SGF29: variants seen among roughly 807,000 people sequenced by gnomAD.
SGF29 encodes SAGA-associated factor 29.
A neutral mutation model predicts 38.1 loss-of-function variants in SGF29; 15 were observed. That is an observed-to-expected ratio of 0.39 (90% CI 0.26 to 0.61). The LOEUF (loss-of-function observed/expected upper bound fraction) is 0.61. Among genes scored for constraint, SGF29 ranks in the 20% least tolerant of loss-of-function variants. The pLI is 0.49. For synonymous variants in SGF29, 151 were observed against 160.8 expected (o/e 0.94, Z 0.46); for missense variants, 184 against 394.6 (o/e 0.47, Z 4.52).
intron 1 of SGF29, among the ~76,000 whole-genome samples, chr16:28,560,737 G>T (rs1017951212): frequency 3.9e-5 from 6 of 152,060 alleles, no homozygotes; most frequent in African/African-American, 1.4e-4. Context: ...CAAGGCAGGC[G>T]GATCACGAGG....
chr16:28,580,580 A>G (rs758109290), intron 1 of SGF29, among the ~76,000 whole-genome samples: 4 of 152,146 alleles, frequency 2.6e-5, no homozygotes, highest in East Asian at 3.9e-4. Flanking sequence ...CTATTCCACT[A>G]TGACTTCATC....
chr16:28,583,126 C>T (rs972214372), intron 2 of SGF29, among the ~76,000 whole-genome samples: 5 of 152,242 alleles, frequency 3.3e-5, no homozygotes, highest in Non-Finnish European at 5.9e-5. Flanking sequence ...CACAGGGCTT[C>T]GCCCTTTCAG....
chr16:28,569,947 A>G (rs984331370), intron 1 of SGF29, among the ~76,000 whole-genome samples: 7 of 152,224 alleles, frequency 4.6e-5, no homozygotes, highest in African/African-American at 1.2e-4. Flanking sequence ...TGCACAGAAT[A>G]CACAAGCTGT....
chr16:28,555,118 C>T (rs1567282842), intron 1 of SGF29, among the ~76,000 whole-genome samples: 1 of 152,198 alleles, frequency 6.6e-6, no homozygotes, highest in African/African-American at 2.4e-5. Context: ...AAAGCCTCCC[C>T]AAATGCTGGA....
chr16:28,558,205 A>G (rs569183931), intron 1 of SGF29, among the ~76,000 whole-genome samples: 2 of 151,036 alleles, frequency 1.3e-5, no homozygotes, highest in Admixed American at 1.3e-4. Flanking sequence ...TCCCGGGTTC[A>G]AGTGATTCTC....
rs539760982 is a variant in SGF29 at position 28,564,616 on chromosome 16, C to T, written c.-16+10519C>T. Among the ~76,000 whole-genome samples, 31 of 108,284 alleles carry T rather than the reference C, an allele frequency of 2.9e-4. No homozygotes were observed. The East Asian group carries it at 4.4e-3, about 15-fold the overall frequency. The allele number at this position is 108,284 out of a possible 152,430, so 71.0% of individuals were successfully genotyped here. A position where few individuals can be genotyped will look rare whatever the true frequency, so the allele number is the denominator to read the frequency against. ...ACACACATATATGTGTATATATATA[C>T]ATATATGCATATATATACGTATATA... On this transcript the variant is annotated intron_variant, in intron 1 of 9. Coordinates refer to ENST00000317058, the MANE Select transcript of SGF29 (RefSeq NM_138414.3).
chr16:28,555,592 A>G, intron 1 of SGF29, among the ~76,000 whole-genome samples: 1 of 152,226 alleles, frequency 6.6e-6, no homozygotes, highest in Non-Finnish European at 1.5e-5. Flanking sequence ...ATTGTGATGG[A>G]TTGGGTGACA....
chr16:28,567,579 G>A lies in SGF29; in HGVS notation c.-15-13476G>A, dbSNP rs558450257. ...TAGTGGGTAGAGACTGAGTTTTGAC[G>A]TTCATACTAGAAAAGGTTTACATTG... is the stretch of plus-strand genomic sequence containing the variant. On this transcript the variant is annotated intron_variant, in intron 1 of 9. Coordinates refer to ENST00000317058, the MANE Select transcript of SGF29 (RefSeq NM_138414.3). Among the ~76,000 whole-genome samples, 3 of 152,190 alleles carry A rather than the reference G, an allele frequency of 2.0e-5. No homozygotes were observed. In the South Asian group the frequency reaches 6.2e-4, roughly 31 times the overall value.
chr16:28,562,063 G>C (rs191410486), intron 1 of SGF29, among the ~76,000 whole-genome samples: 149 of 152,316 alleles, frequency 9.8e-4, no homozygotes, highest in African/African-American at 3.3e-3. Context: ...TCAAACGAGA[G>C]CCCTTAAATG....
At chr16:28,589,256 C>A in intron 5 of SGF29, 92 bp downstream of exon 5, 1 of 1,308,174 alleles carries the variant, frequency 7.6e-7, no homozygotes, top group Non-Finnish European at 1.1e-6. Flanking sequence ...GGGCCTGTGG[C>A]CACCACCTGC....
chr16:28,589,412 C>T, intron 5 of SGF29: 1 of 495,732 alleles, frequency 2.0e-6, no homozygotes, highest in Non-Finnish European at 3.7e-6. Flanking sequence ...TCTCCTGCCC[C>T]TTCTGGGGCC....
At chr16:28,564,550 C>CGTAT (rs1491293543) in intron 1 of SGF29, among the ~76,000 whole-genome samples, 7 of 68,834 alleles carry the variant, frequency 1.0e-4, no homozygotes, top group Admixed American at 3.3e-4. Context: ...TATATATATA[C>CGTAT]GTATATATAT....
intron 1 of SGF29, among the ~76,000 whole-genome samples, chr16:28,559,723 A>G (rs1435387968): frequency 6.6e-6 from 1 of 152,216 alleles, no homozygotes; most frequent in Non-Finnish European, 1.5e-5. Context: ...TGAACTAGAC[A>G]AACATGGGGC....
chr16:28,576,250 G>A (rs1364590868), intron 1 of SGF29, among the ~76,000 whole-genome samples: 1 of 152,102 alleles, frequency 6.6e-6, no homozygotes. Context: ...ACAGACACTG[G>A]GCGGGGAGGG....
At chr16:28,589,991 G>T in intron 5 of SGF29, 105 bp from the exon 6 acceptor site, 1 of 1,461,932 alleles carries the variant, frequency 6.8e-7, no homozygotes, top group African/African-American at 1.4e-5. Flanking sequence ...GCTCACTCGG[G>T]AACTGGGGGC....
intron 4 of SGF29, among the ~76,000 whole-genome samples, chr16:28,587,862 C>T (rs890042261): frequency 6.6e-6 from 1 of 152,138 alleles, no homozygotes; most frequent in African/African-American, 2.4e-5. Flanking sequence ...TGCAGTGACA[C>T]AATCTCGGCT....
intron 4 of SGF29, among the ~76,000 whole-genome samples, chr16:28,587,469 C>G (rs1472447488): frequency 1.3e-5 from 2 of 152,232 alleles, no homozygotes; most frequent in African/African-American, 4.8e-5. Context: ...TGCTCACAGC[C>G]TGAGGTGGCA....
chr16:28,563,447 G>T (rs1417466689), intron 1 of SGF29, among the ~76,000 whole-genome samples: 3 of 152,184 alleles, frequency 2.0e-5, no homozygotes, highest in Non-Finnish European at 4.4e-5. Context: ...TCCAGACCAC[G>T]TGGTCAGCTC....
chr16:28,574,058 G>C (rs1222163159), intron 1 of SGF29, among the ~76,000 whole-genome samples: 1 of 152,212 alleles, frequency 6.6e-6, no homozygotes, highest in African/African-American at 2.4e-5. Context: ...CAGCAAATCT[G>C]TACGGGTTTG....
Sources: allele counts gnomAD v4.1 joint callset (sites outside exome capture counted in the v4.1 genomes callset), GRCh38; gene constraint gnomAD v4.1.1; transcripts MANE v1.5; gene names NCBI Gene and HGNC (gene_info 2026-07-23, HGNC 2026-07-21).